NSMCE4A: variants seen among roughly 807,000 people sequenced by gnomAD.
NSMCE4A encodes non-structural maintenance of chromosomes element 4 homolog A.
NSMCE4A carries 40 observed loss-of-function variants against 47.9 expected under a neutral mutation model. That is an observed-to-expected ratio of 0.83 (90% confidence interval 0.65 to 1.09). The LOEUF (loss-of-function observed/expected upper bound fraction) is 1.09. Among genes scored for constraint, NSMCE4A ranks in the 50% least tolerant of loss-of-function variants. NSMCE4A has a pLI of 0.00. For synonymous variants in NSMCE4A, 166 were observed against 178.5 expected, an observed-to-expected ratio of 0.93 and a Z score of 0.56; for missense variants, 500 against 507.0, an observed-to-expected ratio of 0.99 and a Z score of 0.13.
intron 2 of NSMCE4A, among the ~76,000 whole-genome samples, chr10:121,973,379 C>T (rs1304516669): frequency 6.6e-6 from 1 of 152,168 alleles, no homozygotes; most frequent in African/African-American, 2.4e-5. Context: ...GGGAGTACCC[C>T]TCTGTCACCA....
rs143527895 is a variant in NSMCE4A, at chr10:121,964,095, C to CAAAAAAA, written c.754-774_754-768dup. On this transcript the variant is annotated intron_variant, in intron 5 of 10. Coordinates refer to ENST00000369023, the MANE Select transcript of NSMCE4A (RefSeq NM_017615.3). ...CGGGTGATAGGGCAAGACTCTGTCT[C>CAAAAAAA]AAAAAAAATTATGGTTTAAAAAAAA... Among the ~76,000 whole-genome samples the CAAAAAAA allele has an allele frequency of 3.2e-3, 378 of 117,270 alleles. 7 individuals are homozygous for CAAAAAAA. Among genetic ancestry groups the CAAAAAAA allele is most frequent in the African/African-American group, 6.8e-3 (208 of 30,638 alleles). The allele number at this position is 117,270 out of a possible 152,430, so 76.9% of individuals were successfully genotyped here. A position where few individuals can be genotyped will look rare whatever the true frequency, so the allele number is the denominator to read the frequency against.
At chr10:121,959,734 A>C (rs1388405188) in intron 8 of NSMCE4A, 139 bp from the exon 9 acceptor site, 2 of 633,280 alleles carry the variant, frequency 3.2e-6, no homozygotes. Flanking sequence ...TTAGGATTTC[A>C]TGCATTATGG....
intron 2 of NSMCE4A, among the ~76,000 whole-genome samples, chr10:121,973,538 A>C (rs538066312): frequency 1.3e-5 from 2 of 152,354 alleles, no homozygotes; most frequent in South Asian, 4.1e-4. Flanking sequence ...ACTGGAGACC[A>C]GCAGGTACAC....
intron 8 of NSMCE4A, chr10:121,959,815 A>G: frequency 1.8e-6 from 1 of 565,332 alleles, no homozygotes. Context: ...GTAGTAGAGT[A>G]ACACATTCCA....
intron 1 of NSMCE4A, 125 bp downstream of exon 1, chr10:121,974,749 C>T (rs1037090069): frequency 2.7e-5 from 31 of 1,159,208 alleles, no homozygotes; most frequent in East Asian, 4.2e-5. Flanking sequence ...GCACCCGGCG[C>T]GTCTCTACTA....
Position 121,963,240 on chromosome 10 carries a change from T to C in NSMCE4A, c.842A>G (p.Asp281Gly), listed in dbSNP as rs986397970. The change falls in exon 6 of 11, where the codon GAT becomes GGT. Residue 281 changes from aspartate to glycine, a missense_variant and splice_region_variant. By Grantham distance (94) the Asp-to-Gly change is moderately conservative. Coordinates refer to ENST00000369023, the MANE Select transcript of NSMCE4A (RefSeq NM_017615.3). ...ACTTTGAATGGTGTTACACTTACGA[T>C]CTTCTCGAAAATATGTCTGCAACAA... ...LGLLQTYFRE[D>G]PDTPMSFFDF... 1 of 1,596,430 alleles carries C rather than the reference T, an allele frequency of 6.3e-7. No homozygotes were observed. The highest frequency in any genetic ancestry group is 8.6e-7 in the Non-Finnish European group (1 of 1,164,386).
At chr10:121,958,825 C>CTTTTTTTTTTTTTTTTTTTTTTTT in intron 10 of NSMCE4A, among the ~76,000 whole-genome samples, 1 of 146,834 alleles carries the variant, frequency 6.8e-6, no homozygotes, top group Non-Finnish European at 1.5e-5. Flanking sequence ...AGCTGCAAGT[C>CTTTTTTTTTTTTTTTTTTTTTTTT]TTTTTTTTGA....
rs1415173569 is a variant in NSMCE4A, at chr10:121,973,991, A to G, written c.370+13T>C. The G allele has an allele frequency of 5.2e-6, 8 of 1,549,442 alleles. No homozygotes were observed. Among genetic ancestry groups the G allele is most frequent in the Non-Finnish European group, 6.2e-6 (7 of 1,134,680 alleles). On this transcript the variant is annotated intron_variant, in intron 2 of 10. Coordinates refer to ENST00000369023, the MANE Select transcript of NSMCE4A (RefSeq NM_017615.3). ...TCATAAAACACGAAATAACATATAAAATAACAAATTACCTTCATTAAACAG... is the reference window on the plus strand; with the variant it reads ...TCATAAAACACGAAATAACATATAAGATAACAAATTACCTTCATTAAACAG...
At chr10:121,959,443 G>T (rs1952458029) in intron 9 of NSMCE4A, 33 bp from the exon 10 acceptor site, 1 of 1,612,530 alleles carries the variant, frequency 6.2e-7, no homozygotes. Context: ...TAGGCACTGG[G>T]CTTACTGCAA....
chr10:121,968,964 T>C (rs896979177), intron 3 of NSMCE4A, among the ~76,000 whole-genome samples: 3 of 152,222 alleles, frequency 2.0e-5, no homozygotes, highest in Non-Finnish European at 4.4e-5. Context: ...GAAAGTCTTC[T>C]CCACCCAGAG....
chr10:121,965,175 C>T lies in NSMCE4A; in HGVS notation c.753+111G>A, dbSNP rs577280480. On this transcript the variant is annotated intron_variant, in intron 5 of 10. Transcript: ENST00000369023. ...TAAAATGATTATTTAAGTGACAAAA[C>T]CTGGCTCCAGACCCGCACACTTAGA... 6.3e-5 allele frequency: 39 copies of T among 618,024 alleles called. No homozygotes were observed. In the Middle Eastern group the frequency reaches 1.6e-3, roughly 25 times the overall value. The allele number at this position is 618,024 out of a possible 1,614,324, so 38.3% of individuals were successfully genotyped here. A position where few individuals can be genotyped will look rare whatever the true frequency, so the allele number is the denominator to read the frequency against.
chr10:121,959,055 C>T (rs1817487013), intron 10 of NSMCE4A, among the ~76,000 whole-genome samples: 1 of 152,148 alleles, frequency 6.6e-6, no homozygotes, highest in South Asian at 2.1e-4. Flanking sequence ...CCTCATGATC[C>T]GCTTGCCTTG....
In NSMCE4A at chr10:121,974,976, C is replaced by G. The variant is rs866289913; in HGVS notation, c.190G>C (p.Gly64Arg). 6.6e-7 allele frequency: 1 copy of G among 1,524,842 alleles called. No homozygotes were observed. Among genetic ancestry groups the G allele is most frequent in the East Asian group, 2.7e-5 (1 of 36,532 alleles). The allele number at this position is 1,524,842 out of a possible 1,614,324, so 94.5% of individuals were successfully genotyped here. The change falls in exon 1 of 11, where the codon GGG (glycine) becomes CGG (arginine). Residue 64 changes from glycine to arginine, a missense_variant. By Grantham distance (125) the Gly-to-Arg change is moderately radical. Coordinates refer to ENST00000369023, the MANE Select transcript of NSMCE4A (RefSeq NM_017615.3). ...SLEDTEPSDS[G>R]DEMMDPASLE... ...CTGGCCGGGTCCATCATCTCGTCCC[C>G]GGAATCCGACGGCTCTGTGTCCTCC... is the stretch of plus-strand genomic sequence containing the variant.
intron 3 of NSMCE4A, 62 bp downstream of exon 3, chr10:121,970,877 A>G: frequency 7.1e-7 from 1 of 1,401,024 alleles, no homozygotes; most frequent in Non-Finnish European, 9.7e-7. Context: ...ATATGAGCAC[A>G]GTAAATAATT....
Position 121,967,757 on chromosome 10 carries a change from T to A in NSMCE4A, c.551A>T (p.Asp184Val). The A allele has an allele frequency of 6.2e-7, 1 of 1,614,156 alleles. No homozygotes were observed. Among genetic ancestry groups the A allele is most frequent in the South Asian group, 1.1e-5 (1 of 91,046 alleles). Residue 184 changes from aspartate (D) to valine (V), a missense_variant, in exon 4 of 11, where the codon GAT becomes GTT. Physicochemically the swap from Asp to Val is radical, Grantham distance 152. Coordinates refer to ENST00000369023, the MANE Select transcript of NSMCE4A (RefSeq NM_017615.3). The part of the protein sequence containing the change: ...NPLEAEELIR[D>V]EDSPDFEFIV... Reference sequence around the variant, plus strand: ...GAATTCAAAATCAGGACTATCTTCATCACGGATGAGTTCTTCAGCTTCTAG... The same window carrying A: ...GAATTCAAAATCAGGACTATCTTCAACACGGATGAGTTCTTCAGCTTCTAG...
At chr10:121,974,507 A>C (rs61874421) in intron 1 of NSMCE4A, 50 of 901,114 alleles carry the variant, frequency 5.5e-5, no homozygotes, top group Non-Finnish European at 6.4e-5. Flanking sequence ...CTGCAGCTGC[A>C]GCTGCCGCTG....
chr10:121,969,284 G>A (rs1952661777), intron 3 of NSMCE4A, among the ~76,000 whole-genome samples: 1 of 152,094 alleles, frequency 6.6e-6, no homozygotes, highest in Non-Finnish European at 1.5e-5. Flanking sequence ...GCGGTGAGCT[G>A]AGATCGTGCC....
At position 121,959,552 on chromosome 10, in the gene NSMCE4A, G is replaced by A. The variant is rs1445351397; in HGVS notation, c.1032C>T (p.Asn344=). The part of the protein sequence containing the change: ...INEENEGFEH[N]TQVRNQGIIA... Reference sequence around the variant, plus strand: ...TAATTCCTTGATTTCTAACTTGTGTGTTATGTTCAAATCCCTCATTTTCTT... The same window carrying A: ...TAATTCCTTGATTTCTAACTTGTGTATTATGTTCAAATCCCTCATTTTCTT... Residue 344 remains asparagine, a synonymous_variant, in exon 9 of 11, where the codon AAC becomes AAT. Coordinates refer to ENST00000369023, the MANE Select transcript of NSMCE4A (RefSeq NM_017615.3). 2 of 1,613,962 alleles carry A rather than the reference G, an allele frequency of 1.2e-6. No homozygotes were observed. The highest frequency in any genetic ancestry group is 1.3e-5 in the African/African-American group (1 of 74,906).
intron 4 of NSMCE4A, chr10:121,967,420 A>C (rs2134763489): frequency 2.2e-6 from 1 of 459,402 alleles, no homozygotes; most frequent in East Asian, 4.0e-5. Context: ...CTGATCTTGA[A>C]TTCCTGAGCT....
Sources: gnomAD v4.1 joint callset for allele counts (sites outside exome capture counted in the v4.1 genomes callset) on GRCh38, gnomAD v4.1.1 for gene constraint, MANE v1.5 for transcripts, NCBI Gene and HGNC (gene_info 2026-07-23, HGNC 2026-07-21) for gene names.